ADAMTS3: variants seen among roughly 807,000 people sequenced by gnomAD.
ADAMTS3 encodes ADAM metallopeptidase with thrombospondin type 1 motif 3, also known as A disintegrin and metalloproteinase with thrombospondin motifs 3.
In ADAMTS3, 73 loss-of-function variants were observed where a neutral mutation model predicts 129.0. The observed-to-expected ratio is 0.57, with a 90% confidence interval of 0.47 to 0.69. ADAMTS3 has a LOEUF of 0.69. Ranked by LOEUF, ADAMTS3 falls within the 30% of genes least tolerant of loss-of-function variation. The pLI, the probability that ADAMTS3 is intolerant of heterozygous loss-of-function variation, is 0.00. For synonymous variants in ADAMTS3, 477 were observed against 510.8 expected (o/e 0.93, Z 0.89); for missense variants, 1,457 against 1,514.5 (o/e 0.96, Z 0.63).
intron 3 of ADAMTS3, among the ~76,000 whole-genome samples, chr4:72,493,351 CTTTGA>C (rs954262141): frequency 4.6e-5 from 7 of 151,754 alleles, no homozygotes; most frequent in Non-Finnish European, 7.4e-5. Flanking sequence ...TAGTGATTTG[CTTTGA>C]TTTATTTTCT....
At chr4:72,516,108 G>T (rs1055460107) in intron 3 of ADAMTS3, among the ~76,000 whole-genome samples, 4 of 152,180 alleles carry the variant, frequency 2.6e-5, no homozygotes, top group South Asian at 4.2e-4. Context: ...TTTCCCCATT[G>T]CTTGTTTTTC....
intron 4 of ADAMTS3, among the ~76,000 whole-genome samples, chr4:72,346,076 TACAA>T (rs767160851): frequency 1.3e-5 from 2 of 152,162 alleles, no homozygotes; most frequent in East Asian, 1.9e-4. Context: ...ATTCTTGGTG[TACAA>T]ACTTTGCCTT....
chr4:72,390,073 T>C (rs913465374), intron 4 of ADAMTS3, among the ~76,000 whole-genome samples: 7 of 152,098 alleles, frequency 4.6e-5, no homozygotes, highest in Non-Finnish European at 7.4e-5. Context: ...AGAAAATCTA[T>C]TTCTAGTTTC....
chr4:72,503,088 A>G (rs1228119160), intron 3 of ADAMTS3, among the ~76,000 whole-genome samples: 2 of 151,986 alleles, frequency 1.3e-5, no homozygotes, highest in Non-Finnish European at 2.9e-5. Context: ...CAGTGTTGCA[A>G]TCTCAGCTCA....
At chr4:72,491,597 C>T (rs1719746935) in intron 3 of ADAMTS3, among the ~76,000 whole-genome samples, 1 of 151,580 alleles carries the variant, frequency 6.6e-6, no homozygotes, top group South Asian at 2.1e-4. Context: ...TATGTAGACC[C>T]ATCCTTGCAT....
rs572008040 is a variant in ADAMTS3 at position 72,385,863 on chromosome 4, G to T, written c.661+28952C>A. Among the ~76,000 whole-genome samples, 122 of 152,140 alleles carry T rather than the reference G, an allele frequency of 8.0e-4. No individual in the cohort carries two copies. The South Asian group carries it at 0.011, about 14-fold the overall frequency. On this transcript the variant is annotated intron_variant, in intron 4 of 21. Transcript: ENST00000286657. ...ACCTGAATCTAAAATAAAAGTTGGG[G>T]AAAAAATTAATTATAAAATAAATAA...
intron 3 of ADAMTS3, among the ~76,000 whole-genome samples, chr4:72,446,305 T>A (rs1431223075): frequency 2.0e-5 from 3 of 151,694 alleles, no homozygotes; most frequent in Non-Finnish European, 3.0e-5. Context: ...CCCTCAGATC[T>A]CACTGCCAGG....
intron 3 of ADAMTS3, among the ~76,000 whole-genome samples, chr4:72,535,556 A>C (rs1721165319): frequency 6.6e-6 from 1 of 152,176 alleles, no homozygotes; most frequent in Non-Finnish European, 1.5e-5. Context: ...GGAAAGTTTT[A>C]TCAGCTAGTC....
intron 4 of ADAMTS3, among the ~76,000 whole-genome samples, chr4:72,357,849 A>G (rs753537104): frequency 6.6e-6 from 1 of 152,028 alleles, no homozygotes; most frequent in Non-Finnish European, 1.5e-5. Flanking sequence ...AGATTTAAAT[A>G]TAAATCTATT....
intron 3 of ADAMTS3, among the ~76,000 whole-genome samples, chr4:72,445,002 A>T (rs960040509): frequency 3.3e-5 from 5 of 150,748 alleles, no homozygotes; most frequent in Non-Finnish European, 1.5e-5. Context: ...GCAAATCCAC[A>T]GAGACAGAAA....
intron 19 of ADAMTS3, among the ~76,000 whole-genome samples, chr4:72,294,064 A>G (rs1195388339): frequency 1.3e-5 from 2 of 152,134 alleles, no homozygotes; most frequent in East Asian, 3.8e-4. Context: ...AAAACAAAAA[A>G]AATACAAGAA....
chr4:72,330,927 A>C (rs1719835126), intron 5 of ADAMTS3, among the ~76,000 whole-genome samples: 1 of 152,210 alleles, frequency 6.6e-6, no homozygotes, highest in Admixed American at 6.5e-5. Context: ...TGGTTCGCAC[A>C]GGAATCTATA....
chr4:72,547,113 G>T lies in ADAMTS3; in HGVS notation c.504+1365C>A, dbSNP rs1016709884. ...CTTTGGCTGGGTAATTTTGAGAAAA[G>T]TCTAAAGAAGTAGAGCATTTTTCTA... On this transcript the variant is annotated intron_variant, in intron 3 of 21. Transcript: ENST00000286657. Among the ~76,000 whole-genome samples, 5 of 152,142 alleles carry T rather than the reference G, an allele frequency of 3.3e-5. No homozygotes were observed. In the East Asian group the frequency reaches 9.6e-4, roughly 29 times the overall value.
intron 4 of ADAMTS3, among the ~76,000 whole-genome samples, chr4:72,380,492 G>A (rs1346421870): frequency 2.0e-5 from 3 of 152,138 alleles, no homozygotes; most frequent in Admixed American, 2.0e-4. Flanking sequence ...TATGGCTGCA[G>A]TTTCAGATAC....
At chr4:72,437,478 T>C (rs983593870) in intron 3 of ADAMTS3, among the ~76,000 whole-genome samples, 1 of 151,776 alleles carries the variant, frequency 6.6e-6, no homozygotes, top group African/African-American at 2.4e-5. Flanking sequence ...CATGGATCTG[T>C]ATCCTCCTTA....
chr4:72,299,485 C>A (rs1718897891), intron 17 of ADAMTS3, among the ~76,000 whole-genome samples: 1 of 152,006 alleles, frequency 6.6e-6, no homozygotes, highest in African/African-American at 2.4e-5. Flanking sequence ...GAAATTTTCC[C>A]AACCTTTGTG....
intron 2 of ADAMTS3, among the ~76,000 whole-genome samples, chr4:72,567,018 A>G (rs1388204846): frequency 1.3e-5 from 2 of 152,184 alleles, no homozygotes; most frequent in Non-Finnish European, 2.9e-5. Context: ...GTTGTACTCA[A>G]ATGTGCTCCT....
intron 4 of ADAMTS3, among the ~76,000 whole-genome samples, chr4:72,372,669 T>A (rs1578623844): frequency 6.6e-6 from 1 of 152,034 alleles, no homozygotes. Flanking sequence ...GCTTTTTATA[T>A]GCTAGATATA....
chr4:72,479,502 T>C (rs1326682740), intron 3 of ADAMTS3, among the ~76,000 whole-genome samples: 1 of 152,220 alleles, frequency 6.6e-6, no homozygotes, highest in East Asian at 1.9e-4. Flanking sequence ...TGTAGAAAGC[T>C]GAAACTGGAT....
Sources: allele counts gnomAD v4.1 joint callset (sites outside exome capture counted in the v4.1 genomes callset), GRCh38; gene constraint gnomAD v4.1.1; transcripts MANE v1.5; gene names NCBI Gene and HGNC (gene_info 2026-07-23, HGNC 2026-07-21).